Variants in BCAS1 observed in about 807,000 individuals in gnomAD.
BCAS1 encodes breast carcinoma-amplified sequence 1.
BCAS1 carries 46 observed loss-of-function variants against 65.4 expected under a neutral mutation model. The observed-to-expected ratio is 0.70, with a 90% CI of 0.55 to 0.90. BCAS1 has a LOEUF of 0.90. Among genes scored for constraint, BCAS1 ranks in the 40% least tolerant of loss-of-function variants. The probability of loss-of-function intolerance (pLI) is 0.00; values close to 1 mark genes in which losing one functional copy is unlikely to be tolerated. For synonymous variants in BCAS1, 298 were observed against 293.5 expected (o/e 1.02, Z -0.16); for missense variants, 793 against 771.2 (o/e 1.03, Z -0.33).
chr20:53,953,222 C>A (rs777144921), intron 12 of BCAS1, among the ~76,000 whole-genome samples: 1 of 152,150 alleles, frequency 6.6e-6, no homozygotes. Context: ...AAATCTGGTT[C>A]AGAGAGGCAA....
intron 4 of BCAS1, among the ~76,000 whole-genome samples, chr20:54,022,257 T>C (rs1322060985): frequency 2.0e-5 from 3 of 151,836 alleles, no homozygotes; most frequent in Non-Finnish European, 4.4e-5. Flanking sequence ...ACATCCTCCT[T>C]GTTAAGTGAA....
At chr20:53,945,731 G>A (rs2089292804) in intron 12 of BCAS1, among the ~76,000 whole-genome samples, 1 of 152,180 alleles carries the variant, frequency 6.6e-6, no homozygotes, top group East Asian at 1.9e-4. Context: ...CCTTAACATT[G>A]ACTGAATGTG....
chr20:53,951,035 T>C (rs1202961425), intron 12 of BCAS1, among the ~76,000 whole-genome samples: 1 of 152,248 alleles, frequency 6.6e-6, no homozygotes, highest in African/African-American at 2.4e-5. Context: ...AGAAATCATC[T>C]GAACTTTTCC....
At chr20:54,044,537 T>C (rs1403575914) in intron 3 of BCAS1, among the ~76,000 whole-genome samples, 1 of 152,062 alleles carries the variant, frequency 6.6e-6, no homozygotes, top group East Asian at 1.9e-4. Flanking sequence ...TTTTGAAAAA[T>C]GTGAAGAAGA....
chr20:54,057,304 T>C (rs2092310683), intron 3 of BCAS1, among the ~76,000 whole-genome samples: 1 of 152,220 alleles, frequency 6.6e-6, no homozygotes, highest in Non-Finnish European at 1.5e-5. Flanking sequence ...ATATGAAATA[T>C]CGCTGGAGAC....
At chr20:53,945,404 C>CT (rs10583008) in intron 12 of BCAS1, among the ~76,000 whole-genome samples, 43 of 141,782 alleles carry the variant, frequency 3.0e-4, no homozygotes, top group Middle Eastern at 3.5e-3. Context: ...TTATTTTCTT[C>CT]TTTTTTTTTT....
At chr20:54,056,514 C>T (rs1392829631) in intron 3 of BCAS1, among the ~76,000 whole-genome samples, 1 of 152,076 alleles carries the variant, frequency 6.6e-6, no homozygotes, top group Non-Finnish European at 1.5e-5. Flanking sequence ...GTATACTACT[C>T]AGGTGACAGG....
chr20:54,035,114 C>G (rs999118132), intron 3 of BCAS1, among the ~76,000 whole-genome samples: 6 of 151,190 alleles, frequency 4.0e-5, no homozygotes, highest in African/African-American at 1.2e-4. Flanking sequence ...CCCTTCCTTA[C>G]AACATATACA....
At chr20:53,980,590 G>T (rs546454410) in intron 8 of BCAS1, among the ~76,000 whole-genome samples, 153 of 152,274 alleles carry the variant, frequency 1.0e-3, no homozygotes, top group Non-Finnish European at 1.8e-3. Flanking sequence ...TAATTTCTAG[G>T]TCTCTATTGG....
At chr20:54,058,382 G>C (rs1190072873) in intron 2 of BCAS1, among the ~76,000 whole-genome samples, 1 of 152,080 alleles carries the variant, frequency 6.6e-6, no homozygotes, top group African/African-American at 2.4e-5. Context: ...CCTCAGCTCA[G>C]GGGACCCCAC....
In BCAS1 at chr20:53,981,941, G is replaced by A. The variant is rs547562416; in HGVS notation, c.1275+3346C>T. ...GTGGTGTTAACACCAGAAGCCACAC[G>A]TGGGTGTTTAGTCATGACCACTGAT... is the stretch of plus-strand genomic sequence containing the variant. On this transcript the variant is annotated intron_variant, in intron 8 of 12. Coordinates refer to ENST00000688948, the MANE Select transcript of BCAS1 (RefSeq NM_001366298.2). Among the ~76,000 whole-genome samples, 12 of 152,220 alleles carry A rather than the reference G, an allele frequency of 7.9e-5. No individual in the cohort carries two copies. In the South Asian group the frequency reaches 8.3e-4, roughly 11 times the overall value.
chr20:53,954,151 T>A (rs536162193), intron 11 of BCAS1, among the ~76,000 whole-genome samples: 1 of 152,294 alleles, frequency 6.6e-6, no homozygotes, highest in South Asian at 2.1e-4. Context: ...AGAGCTTTGC[T>A]GAAATGAGAG....
intron 10 of BCAS1, among the ~76,000 whole-genome samples, chr20:53,960,014 G>A (rs1353397940): frequency 6.6e-6 from 1 of 152,068 alleles, no homozygotes; most frequent in South Asian, 2.1e-4. Context: ...CTCCAAATTC[G>A]GGCTGTGTCG....
intron 3 of BCAS1, among the ~76,000 whole-genome samples, chr20:54,037,565 T>C (rs2091920262): frequency 6.6e-6 from 1 of 151,618 alleles, no homozygotes; most frequent in Non-Finnish European, 1.5e-5. Context: ...ATGTATGACA[T>C]TTGTTTATTT....
intron 5 of BCAS1, 40 bp downstream of exon 5, chr20:53,995,852 A>G (rs754099201): frequency 2.6e-6 from 4 of 1,538,992 alleles, no homozygotes; most frequent in Non-Finnish European, 3.5e-6. Context: ...AAAACTTTTG[A>G]GCAATAGAGT....
At chr20:54,065,665 G>A (rs186391863) in intron 1 of BCAS1, among the ~76,000 whole-genome samples, 50 of 152,318 alleles carry the variant, frequency 3.3e-4, no homozygotes, top group Non-Finnish European at 6.5e-4. Context: ...TGTCACCTAG[G>A]GATCTGCATT....
intron 11 of BCAS1, among the ~76,000 whole-genome samples, chr20:53,955,851 T>C (rs1467145458): frequency 2.6e-5 from 4 of 152,242 alleles, no homozygotes; most frequent in African/African-American, 7.2e-5. Context: ...ACCAAGATTA[T>C]TGGCATAATT....
chr20:53,952,866 T>C (rs2089570191), intron 12 of BCAS1, among the ~76,000 whole-genome samples: 1 of 152,252 alleles, frequency 6.6e-6, no homozygotes, highest in Non-Finnish European at 1.5e-5. Flanking sequence ...TCTTTGGGTT[T>C]TGAGTGCTGC....
At chr20:54,049,410 A>C (rs2092170539) in intron 3 of BCAS1, among the ~76,000 whole-genome samples, 1 of 152,158 alleles carries the variant, frequency 6.6e-6, no homozygotes, top group East Asian at 1.9e-4. Context: ...AATGTCATAA[A>C]TTTGCTAGAA....
Sources: allele counts gnomAD v4.1 joint callset (sites outside exome capture counted in the v4.1 genomes callset), GRCh38; gene constraint gnomAD v4.1.1; transcripts MANE v1.5; gene names NCBI Gene and HGNC (gene_info 2026-07-23, HGNC 2026-07-21).